The following BBS9 variants were observed in gnomAD, a reference collection of about 807,000 sequenced individuals.
The protein encoded by BBS9 is Bardet-Biedl syndrome 9.
In BBS9, 89 loss-of-function variants were observed where a neutral mutation model predicts 117.7. The observed-to-expected ratio is 0.76, with a 90% CI of 0.64 to 0.90. The LOEUF is 0.90. BBS9 is among the 40% of genes least tolerant of loss of function. BBS9 has a pLI of 0.00. For synonymous variants in BBS9, 379 were observed against 370.9 expected (o/e 1.02, Z -0.25); for missense variants, 982 against 1,042.2 (o/e 0.94, Z 0.80).
At chr7:33,367,283 T>G (rs1821956212) in intron 16 of BBS9, among the ~76,000 whole-genome samples, 1 of 152,158 alleles carries the variant, frequency 6.6e-6, no homozygotes, top group Non-Finnish European at 1.5e-5. Flanking sequence ...ATAGTGACCA[T>G]TTGTTTTTAT....
At chr7:33,353,933 A>T (rs1350648913) in intron 15 of BBS9, among the ~76,000 whole-genome samples, 2 of 152,114 alleles carry the variant, frequency 1.3e-5, no homozygotes, top group East Asian at 3.8e-4. Flanking sequence ...TTACATTTTA[A>T]TTAGCTAGAT....
At chr7:33,443,401 C>T (rs1436245164) in intron 19 of BBS9, among the ~76,000 whole-genome samples, 1 of 152,060 alleles carries the variant, frequency 6.6e-6, no homozygotes, top group Admixed American at 6.6e-5. Flanking sequence ...TCCAGATATG[C>T]TGTCTTTCAT....
chr7:33,335,923 G>A (rs935549691), intron 9 of BBS9, among the ~76,000 whole-genome samples: 3 of 152,086 alleles, frequency 2.0e-5, no homozygotes, highest in African/African-American at 4.8e-5. Context: ...AGGAAAGACC[G>A]GGGGCACTTT....
At chr7:33,169,384 A>G (rs1448610052) in intron 4 of BBS9, among the ~76,000 whole-genome samples, 1 of 151,750 alleles carries the variant, frequency 6.6e-6, no homozygotes, top group Non-Finnish European at 1.5e-5. Flanking sequence ...AGGAATCGCC[A>G]TACTGACTTC....
rs1584137777 is a variant in BBS9 at position 33,146,372 on chromosome 7, A to G, written c.112+8A>G. Reference sequence around the variant, plus strand: ...ATAGTGGAAATGGACAAGGTAAGCAACTTACAACCATACATCTTGGATGAA... The same window carrying G: ...ATAGTGGAAATGGACAAGGTAAGCAGCTTACAACCATACATCTTGGATGAA... On this transcript the variant is annotated splice_region_variant and intron_variant, in intron 2 of 22. Transcript: ENST00000242067. 1.3e-6 allele frequency: 2 copies of G among 1,592,256 alleles called. No homozygotes were observed. The highest frequency in any genetic ancestry group is 1.7e-6 in the Non-Finnish European group (2 of 1,160,146).
intron 7 of BBS9, among the ~76,000 whole-genome samples, chr7:33,266,298 A>G (rs1798811736): frequency 6.6e-6 from 1 of 152,230 alleles, no homozygotes; most frequent in African/African-American, 2.4e-5. Flanking sequence ...GCAATATCAA[A>G]TCTATTGCAG....
At position 33,580,747 on chromosome 7, in the gene BBS9, A is replaced by G. The variant is rs111625477; in HGVS notation, c.2522-24118A>G. The stretch of plus-strand genomic sequence containing the variant: ...CAGAAATAGCTGAAAGGAATACAAT[A>G]GAAATCATTCTATTTTGAACATATA... On this transcript the variant is annotated intron_variant, in intron 21 of 22. Coordinates refer to ENST00000242067, the MANE Select transcript of BBS9 (RefSeq NM_198428.3). Among the ~76,000 whole-genome samples the G allele has an allele frequency of 2.3e-3, 355 of 152,316 alleles. 3 individuals are homozygous for G. Among genetic ancestry groups the G allele is most frequent in the African/African-American group, 8.0e-3 (334 of 41,580 alleles).
chr7:33,397,871 G>A (rs1193105947), intron 19 of BBS9, among the ~76,000 whole-genome samples: 5 of 151,830 alleles, frequency 3.3e-5, no homozygotes, highest in Admixed American at 3.3e-4. Context: ...ATGGGTGCTG[G>A]GATTAATATC....
At chr7:33,612,501 G>A (rs147105207) in intron 21 of BBS9, among the ~76,000 whole-genome samples, 2 of 152,000 alleles carry the variant, frequency 1.3e-5, no homozygotes, top group African/African-American at 2.4e-5. Flanking sequence ...TTCAGTAACA[G>A]TGATGTACTT....
chr7:33,408,803 G>T (rs1830571903), intron 19 of BBS9, among the ~76,000 whole-genome samples: 1 of 152,190 alleles, frequency 6.6e-6, no homozygotes, highest in Non-Finnish European at 1.5e-5. Flanking sequence ...CCCCACAGTG[G>T]ATGAACTAAT....
chr7:33,155,580 T>C, intron 3 of BBS9, 58 bp from the exon 4 acceptor site: 1 of 1,166,920 alleles, frequency 8.6e-7, no homozygotes, highest in Non-Finnish European at 1.3e-6. Context: ...TTTTACAACT[T>C]TTTGGTTACG....
At chr7:33,132,589 G>A (rs1490516627) in intron 1 of BBS9, among the ~76,000 whole-genome samples, 1 of 152,052 alleles carries the variant, frequency 6.6e-6, no homozygotes, top group Non-Finnish European at 1.5e-5. Context: ...AAAAAACATT[G>A]TATACATATT....
In BBS9 at chr7:33,152,741, C is replaced by G; in HGVS notation, c.153C>G (p.Ile51Met). ...GTAGCTTTATGGGATACCTAAGGAT[C>G]TTTAGCCCCCATCCTGCAAAAACAG... ...IVGSFMGYLRIFSPHPAKTGD... is the reference protein window; with the variant it reads ...IVGSFMGYLRMFSPHPAKTGD... The change falls in exon 3 of 23, where the codon ATC (isoleucine) becomes ATG (methionine). Residue 51 changes from isoleucine to methionine, a missense_variant. Coordinates refer to ENST00000242067, the MANE Select transcript of BBS9 (RefSeq NM_198428.3). The G allele has an allele frequency of 6.2e-7, 1 of 1,613,420 alleles. No individual in the cohort carries two copies. Among genetic ancestry groups the G allele is most frequent in the Non-Finnish European group, 8.5e-7 (1 of 1,179,804 alleles).
At chr7:33,625,000 G>A (rs552235084) in intron 21 of BBS9, among the ~76,000 whole-genome samples, 1 of 152,246 alleles carries the variant, frequency 6.6e-6, no homozygotes, top group Admixed American at 6.5e-5. Flanking sequence ...CAGTAGATGT[G>A]TCTGCTAGGC....
intron 19 of BBS9, among the ~76,000 whole-genome samples, chr7:33,456,701 A>G (rs1050053424): frequency 6.6e-6 from 1 of 152,108 alleles, no homozygotes; most frequent in Non-Finnish European, 1.5e-5. Flanking sequence ...GCTTGCTGTC[A>G]TGGATAACAA....
In BBS9 at chr7:33,152,682, T is replaced by C. The variant is rs1490581798; in HGVS notation, c.113-19T>C. On this transcript the variant is annotated intron_variant, in intron 2 of 22. Transcript: ENST00000242067. ...TGTTTGTTTCTCCCTCTATCTTTTT[T>C]TTTTTAAATTCTCTACAGATAAAAT... The C allele has an allele frequency of 2.5e-6, 4 of 1,603,102 alleles. No homozygotes were observed. The highest frequency in any genetic ancestry group is 3.4e-6 in the Non-Finnish European group (4 of 1,172,584).
chr7:33,163,037 G>A (rs1795108518), intron 4 of BBS9, among the ~76,000 whole-genome samples: 1 of 152,204 alleles, frequency 6.6e-6, no homozygotes, highest in African/African-American at 2.4e-5. Context: ...TTGTTAGCAT[G>A]AAGGGTTCTT....
intron 17 of BBS9, among the ~76,000 whole-genome samples, chr7:33,373,108 T>C (rs1381650498): frequency 6.6e-6 from 1 of 152,168 alleles, no homozygotes; most frequent in East Asian, 1.9e-4. Flanking sequence ...TCTTTTGTAT[T>C]GTTTTGATGC....
intron 9 of BBS9, among the ~76,000 whole-genome samples, chr7:33,278,036 T>C (rs1395130940): frequency 1.3e-5 from 2 of 152,206 alleles, no homozygotes; most frequent in Non-Finnish European, 2.9e-5. Context: ...ATAGACTAAA[T>C]GTCTCCCAAA....
Sources: gnomAD v4.1 joint callset for allele counts (sites outside exome capture counted in the v4.1 genomes callset) on GRCh38, gnomAD v4.1.1 for gene constraint, MANE v1.5 for transcripts, NCBI Gene and HGNC (gene_info 2026-07-23, HGNC 2026-07-21) for gene names.